Variants in SUPT3H observed in about 807,000 individuals in gnomAD.
SUPT3H encodes transcription initiation protein SPT3 homolog.
A neutral mutation model predicts 44.3 loss-of-function variants in SUPT3H; 44 were observed. That is an observed-to-expected ratio of 0.99 (90% CI 0.78 to 1.28). The LOEUF (loss-of-function observed/expected upper bound fraction) is 1.28, where lower values mean the gene tolerates loss of function less well. SUPT3H is among the 50% of genes most tolerant of loss of function. The pLI is 0.00. For synonymous variants in SUPT3H, 124 were observed against 125.6 expected (o/e 0.99, Z 0.09); for missense variants, 380 against 387.1 (o/e 0.98, Z 0.15).
rs371307669 is a variant in SUPT3H at position 44,864,598 on chromosome 6, C to A, written c.913-34741G>T. On this transcript the variant is annotated intron_variant, in intron 10 of 10. Coordinates refer to ENST00000371459, the MANE Select transcript of SUPT3H (RefSeq NM_003599.4). ...CTGTGCACTGGCAGGCTCAACACCA[C>A]GTGGCAGCTGCCAAGGCTTGAGGCT... Among the ~76,000 whole-genome samples, 48 of 152,340 alleles carry A rather than the reference C, an allele frequency of 3.2e-4. No individual in the cohort carries two copies. In the East Asian group the frequency reaches 8.5e-3, roughly 27 times the overall value.
chr6:45,297,830 C>T (rs1781538253), intron 2 of SUPT3H, among the ~76,000 whole-genome samples: 2 of 152,166 alleles, frequency 1.3e-5, no homozygotes, highest in Admixed American at 6.5e-5. Context: ...TATGTATTTA[C>T]TGAATGAACG....
chr6:45,118,442 G>A (rs1801143161), intron 2 of SUPT3H, among the ~76,000 whole-genome samples: 1 of 151,994 alleles, frequency 6.6e-6, no homozygotes, highest in African/African-American at 2.4e-5. Context: ...AGCCTTCACA[G>A]AATCCTACAA....
intron 2 of SUPT3H, among the ~76,000 whole-genome samples, chr6:45,190,067 G>C (rs1314493169): frequency 6.6e-6 from 1 of 152,156 alleles, no homozygotes; most frequent in African/African-American, 2.4e-5. Context: ...ATATGTTCCA[G>C]AGGAACAGAT....
chr6:44,822,465 T>C (rs1461172663), downstream of SUPT3H, among the ~76,000 whole-genome samples: 2 of 152,246 alleles, frequency 1.3e-5, no homozygotes, highest in Non-Finnish European at 2.9e-5. Flanking sequence ...ATGGACTATA[T>C]ACAAAAATAG....
At chr6:44,906,628 G>C (rs905746707) in intron 10 of SUPT3H, among the ~76,000 whole-genome samples, 3 of 152,102 alleles carry the variant, frequency 2.0e-5, no homozygotes, top group African/African-American at 7.2e-5. Context: ...CAGGCATGGT[G>C]GTGGGCCCCT....
intron 6 of SUPT3H, among the ~76,000 whole-genome samples, chr6:45,001,219 T>C (rs1248105709): frequency 6.6e-6 from 1 of 152,042 alleles, no homozygotes; most frequent in Admixed American, 6.6e-5. Flanking sequence ...AGGGAAGCTA[T>C]AGTTGTATGT....
chr6:45,231,568 T>C (rs1324192361), intron 2 of SUPT3H, among the ~76,000 whole-genome samples: 4 of 152,158 alleles, frequency 2.6e-5, no homozygotes, highest in Admixed American at 2.6e-4. Context: ...TAATGTGGGG[T>C]GGAGAAACCT....
chr6:45,034,331 C>G (rs1787369417), intron 3 of SUPT3H, among the ~76,000 whole-genome samples: 1 of 151,830 alleles, frequency 6.6e-6, no homozygotes, highest in Admixed American at 6.6e-5. Flanking sequence ...CCAAAATCAA[C>G]CAGAAGTCAG....
At chr6:45,064,997 C>T (rs1011932288) in intron 3 of SUPT3H, among the ~76,000 whole-genome samples, 27 of 151,136 alleles carry the variant, frequency 1.8e-4, no homozygotes, top group African/African-American at 6.3e-4. Flanking sequence ...CCCAAAACAA[C>T]AGAATATACA....
intron 10 of SUPT3H, among the ~76,000 whole-genome samples, chr6:44,857,889 G>T (rs1774001729): frequency 6.6e-6 from 1 of 152,156 alleles, no homozygotes. Flanking sequence ...CAAAACAGGA[G>T]GGAAGTAAAG....
intron 2 of SUPT3H, among the ~76,000 whole-genome samples, chr6:45,217,474 C>CAA (rs778817382): frequency 6.2e-5 from 4 of 64,858 alleles, no homozygotes; most frequent in African/African-American, 2.5e-4. Context: ...GATTCCGCCT[C>CAA]AAAAATAAAA....
At chr6:45,065,858 C>G (rs1481751953) in intron 3 of SUPT3H, among the ~76,000 whole-genome samples, 1 of 147,534 alleles carries the variant, frequency 6.8e-6, no homozygotes, top group Non-Finnish European at 1.5e-5. Flanking sequence ...CAGATGGATT[C>G]ACAGCCGAAT....
chr6:45,298,198 A>G (rs2149906579), intron 2 of SUPT3H, among the ~76,000 whole-genome samples: 1 of 152,366 alleles, frequency 6.6e-6, no homozygotes, highest in South Asian at 2.1e-4. Flanking sequence ...GAAGATTATT[A>G]TAGACCAAAG....
intron 2 of SUPT3H, among the ~76,000 whole-genome samples, chr6:45,114,075 T>C (rs1562486317): frequency 6.6e-6 from 1 of 151,820 alleles, no homozygotes. Flanking sequence ...ATAAAATAAA[T>C]AATGCTGACG....
chr6:45,295,703 A>G (rs1224757842), intron 2 of SUPT3H, among the ~76,000 whole-genome samples: 1 of 152,144 alleles, frequency 6.6e-6, no homozygotes, highest in Non-Finnish European at 1.5e-5. Flanking sequence ...AAGGACAGGA[A>G]CAGACAATTC....
intron 6 of SUPT3H, 123 bp downstream of exon 6, chr6:45,003,530 C>T: frequency 1.7e-6 from 2 of 1,143,724 alleles, no homozygotes; most frequent in Non-Finnish European, 2.4e-6. Context: ...TCGCTGCCAT[C>T]AGACATAAAA....
chr6:45,216,711 CATT>C (rs1258343602), intron 2 of SUPT3H, among the ~76,000 whole-genome samples: 5 of 152,094 alleles, frequency 3.3e-5, no homozygotes, highest in African/African-American at 1.2e-4. Flanking sequence ...CAATGAAGGT[CATT>C]ACGTAATGAT....
At chr6:45,081,193 T>A (rs1795761762) in intron 3 of SUPT3H, among the ~76,000 whole-genome samples, 1 of 151,964 alleles carries the variant, frequency 6.6e-6, no homozygotes, top group African/African-American at 2.4e-5. Context: ...AAACAATGCC[T>A]ACATAATCTG....
chr6:45,239,361 T>C (rs1011480364), intron 2 of SUPT3H, among the ~76,000 whole-genome samples: 21 of 152,248 alleles, frequency 1.4e-4, no homozygotes, highest in African/African-American at 4.6e-4. Flanking sequence ...CAGTATCTAA[T>C]GCTACACACT....
Sources: gnomAD v4.1 joint callset for allele counts (sites outside exome capture counted in the v4.1 genomes callset) on GRCh38, gnomAD v4.1.1 for gene constraint, MANE v1.5 for transcripts, NCBI Gene and HGNC (gene_info 2026-07-23, HGNC 2026-07-21) for gene names.